Variants in TRIM67 observed in about 807,000 individuals in gnomAD.
The protein encoded by TRIM67 is tripartite motif-containing protein 67.
Under a neutral mutation model 71.0 loss-of-function variants are expected in TRIM67, and 39 were observed. That is an observed-to-expected ratio of 0.55 (90% CI 0.43 to 0.72). TRIM67 has a LOEUF of 0.72. TRIM67 is among the 30% of genes least tolerant of loss of function. TRIM67 has a pLI of 0.00. For synonymous variants in TRIM67, 481 were observed against 473.9 expected, an observed-to-expected ratio of 1.01 and a Z score of -0.19; for missense variants, 973 against 1,079.2, an observed-to-expected ratio of 0.90 and a Z score of 1.38.
Position 231,162,713 on chromosome 1 carries a change from G to T in TRIM67, c.-257G>T, listed in dbSNP as rs573694236. 2.1e-6 allele frequency: 1 copy of T among 486,692 alleles called. No homozygotes were observed. Among genetic ancestry groups the T allele is most frequent in the Non-Finnish European group, 3.6e-6 (1 of 278,604 alleles). 30.1% of individuals were successfully genotyped at this position (486,692 alleles called of 1,614,324 possible). On this transcript the variant is annotated 5_prime_UTR_variant, in exon 1 of 10. Coordinates refer to ENST00000366653, the MANE Select transcript of TRIM67 (RefSeq NM_001004342.5). ...AGCCGACCGGCTCCGGAATCTGGCC[G>T]CAGGTTGAAGCCGCTGGTGCGGGAC...
chr1:231,204,085 A>G, intron 6 of TRIM67, 73 bp downstream of exon 6: 1 of 1,587,058 alleles, frequency 6.3e-7, no homozygotes, highest in Non-Finnish European at 8.6e-7. Context: ...CCACTGCCCC[A>G]GACTCTGGTT....
In TRIM67 at chr1:231,163,887, T is replaced by C; in HGVS notation, c.918T>C (p.His306=). ...TARKFPTCPE[H]EMENYSMYCV... is the part of the protein sequence containing the mutation. ...GCAAGTTCCCCACGTGTCCCGAGCA[T>C]GAAATGGAGAACTACAGCATGTACT... The change falls in exon 1 of 10, where the codon CAT becomes CAC. Residue 306 remains histidine (H), a synonymous_variant. Transcript: ENST00000366653. The C allele has an allele frequency of 6.3e-7, 1 of 1,582,038 alleles. No homozygotes were observed. Among genetic ancestry groups the C allele is most frequent in the Non-Finnish European group, 8.6e-7 (1 of 1,164,810 alleles).
chr1:231,186,202 G>A (rs72750750), intron 1 of TRIM67: 37,581 of 1,513,620 alleles, frequency 0.025, 602 homozygotes, highest in Non-Finnish European at 0.029. Context: ...TGGAACTCTT[G>A]AGCCCAAAGG....
In TRIM67 at chr1:231,215,840, G is replaced by C. The variant is rs1684001726; in HGVS notation, c.*400G>C. 9.9e-7 allele frequency: 1 copy of C among 1,011,282 alleles called. No individual in the cohort carries two copies. The highest frequency in any genetic ancestry group is 1.2e-6 in the Non-Finnish European group (1 of 847,528). The allele number at this position is 1,011,282 out of a possible 1,614,324, so 62.6% of individuals were successfully genotyped here. A position where few individuals can be genotyped will look rare whatever the true frequency, so the allele number is the denominator to read the frequency against. On this transcript the variant is annotated 3_prime_UTR_variant, in exon 10 of 10. Transcript: ENST00000366653. ...GGCCTCCTGAGAGCGGCAGTCAGGA[G>C]CTGCGCTGTAATCCCACGCCCCGGG... is the stretch of plus-strand genomic sequence containing the variant.
intron 1 of TRIM67, among the ~76,000 whole-genome samples, chr1:231,190,913 C>A (rs1683214475): frequency 6.6e-6 from 1 of 152,216 alleles, no homozygotes; most frequent in Non-Finnish European, 1.5e-5. Context: ...TCTCTCATCC[C>A]TGTGAGTCAC....
chr1:231,201,317 CT>C (rs1202879116), intron 4 of TRIM67, 40 bp from the exon 5 acceptor site: 2 of 1,581,390 alleles, frequency 1.3e-6, no homozygotes, highest in South Asian at 2.3e-5. Context: ...ACAATTTTTC[CT>C]TTGCAAAGCA....
chr1:231,163,137 G>C lies in TRIM67; in HGVS notation c.168G>C (p.Gly56=). ...CGCTCCTGCTTTCCCGGGGATCGGG[G>C]CTGCAGGCGGGCGCCGCCGCCGCTG... The part of the protein sequence containing the change: ...PQPLLLSRGS[G]LQAGAAAAAS... Residue 56 remains glycine, a synonymous_variant, in exon 1 of 10, where the codon GGG becomes GGC. Coordinates refer to ENST00000366653, the MANE Select transcript of TRIM67 (RefSeq NM_001004342.5). 1 of 1,541,130 alleles carries C rather than the reference G, an allele frequency of 6.5e-7. No homozygotes were observed. Among genetic ancestry groups the C allele is most frequent in the Non-Finnish European group, 8.7e-7 (1 of 1,144,456 alleles).
rs759592710 is a variant in TRIM67 at position 231,201,518 on chromosome 1, G to A, written c.1534+1G>A. On this transcript the variant is annotated splice_donor_variant, in intron 5 of 9. Coordinates refer to ENST00000366653, the MANE Select transcript of TRIM67 (RefSeq NM_001004342.5). LOFTEE classifies it high-confidence loss of function. Reference sequence around the variant, plus strand: ...GACTTCATTCAGATGAAATGTAGGGGTGAGCCGCGGTTGGCCCCAGTTCAG... The same window carrying A: ...GACTTCATTCAGATGAAATGTAGGGATGAGCCGCGGTTGGCCCCAGTTCAG... The A allele has an allele frequency of 6.2e-7, 1 of 1,613,196 alleles. No individual in the cohort carries two copies. Among genetic ancestry groups the A allele is most frequent in the Non-Finnish European group, 8.5e-7 (1 of 1,179,672 alleles).
intron 6 of TRIM67, among the ~76,000 whole-genome samples, chr1:231,205,741 A>T (rs1409149502): frequency 6.7e-6 from 1 of 149,216 alleles, no homozygotes; most frequent in South Asian, 2.1e-4. Context: ...AAAAAAAAAA[A>T]GGAAAGAAAG....
chr1:231,196,891 C>T (rs1232505393), intron 1 of TRIM67, among the ~76,000 whole-genome samples: 6 of 152,246 alleles, frequency 3.9e-5, no homozygotes, highest in Admixed American at 3.3e-4. Flanking sequence ...CCCACAGCCC[C>T]CTTCCTGTCC....
intron 2 of TRIM67, among the ~76,000 whole-genome samples, chr1:231,197,880 GAGA>G (rs748893594): frequency 2.7e-4 from 41 of 151,010 alleles, no homozygotes; most frequent in Non-Finnish European, 4.6e-4. Context: ...GGAGAAGAAG[GAGA>G]AGAAGAAAGG....
rs1684040149 is a variant in TRIM67 at position 231,217,351 on chromosome 1, C to A, written c.*1911C>A. Reference sequence around the variant, plus strand: ...AAGCGGTTTCTGGGTCTCCTCCTCCCATCCCAGAGCCCTGTCCAGAGCTCT... The same window carrying A: ...AAGCGGTTTCTGGGTCTCCTCCTCCAATCCCAGAGCCCTGTCCAGAGCTCT... On this transcript the variant is annotated 3_prime_UTR_variant, in exon 10 of 10. Coordinates refer to ENST00000366653, the MANE Select transcript of TRIM67 (RefSeq NM_001004342.5). The A allele has an allele frequency of 1.0e-6, 1 of 985,924 alleles. No homozygotes were observed. The highest frequency in any genetic ancestry group is 6.1e-5 in the Admixed American group (1 of 16,284). 61.1% of individuals were successfully genotyped at this position (985,924 alleles called of 1,614,324 possible). A position where few individuals can be genotyped will look rare whatever the true frequency, so the allele number is the denominator to read the frequency against.
intron 3 of TRIM67, 143 bp downstream of exon 3, chr1:231,199,312 A>T: frequency 1.2e-6 from 1 of 829,516 alleles, no homozygotes; most frequent in Non-Finnish European, 2.0e-6. Context: ...CAAGGAAGGG[A>T]TGCACCAGCT....
intron 1 of TRIM67, among the ~76,000 whole-genome samples, chr1:231,185,409 G>A (rs747890373): frequency 1.6e-4 from 24 of 151,852 alleles, no homozygotes; most frequent in Non-Finnish European, 3.1e-4. Flanking sequence ...GAACCCAGGA[G>A]CTCCCACCAC....
Position 231,216,603 on chromosome 1 carries a change from G to A in TRIM67, c.*1163G>A, listed in dbSNP as rs1431806406. 9.1e-6 allele frequency: 9 copies of A among 985,434 alleles called. No homozygotes were observed. Among genetic ancestry groups the A allele is most frequent in the Admixed American group, 6.1e-5 (1 of 16,274 alleles). 61.0% of individuals were successfully genotyped at this position (985,434 alleles called of 1,614,324 possible). A position where few individuals can be genotyped will look rare whatever the true frequency, so the allele number is the denominator to read the frequency against. On this transcript the variant is annotated 3_prime_UTR_variant, in exon 10 of 10. Coordinates refer to ENST00000366653, the MANE Select transcript of TRIM67 (RefSeq NM_001004342.5). ...AGTGGCCCCTGTGGCAGGCCGGGAC[G>A]GCTCTGCCCTGATGCAGTGGGCGGG...
chr1:231,172,646 C>G (rs1404263803), intron 1 of TRIM67, among the ~76,000 whole-genome samples: 2 of 152,056 alleles, frequency 1.3e-5, no homozygotes, highest in African/African-American at 4.8e-5. Flanking sequence ...AGAGGCTGGG[C>G]CTTAGTCACA....
chr1:231,163,746 G>T lies in TRIM67; in HGVS notation c.777G>T (p.Pro259=), dbSNP rs1440968656. ...TGCAGCCGCCGCCGCCGCCGCCGCC[G>T]CCCGCCGAGGCAGCCTCCGGGCCCA... is the stretch of plus-strand genomic sequence containing the variant. The part of the protein sequence containing the change: ...RLVQPPPPPP[P]PAEAASGPTG... The change falls in exon 1 of 10, where the codon CCG becomes CCT. Residue 259 remains proline, a synonymous_variant. Coordinates refer to ENST00000366653, the MANE Select transcript of TRIM67 (RefSeq NM_001004342.5). 1.3e-6 allele frequency: 2 copies of T among 1,491,178 alleles called. No homozygotes were observed. Among genetic ancestry groups the T allele is most frequent in the African/African-American group, 2.9e-5 (2 of 68,276 alleles). The allele number at this position is 1,491,178 out of a possible 1,614,324, so 92.4% of individuals were successfully genotyped here. A position where few individuals can be genotyped will look rare whatever the true frequency, so the allele number is the denominator to read the frequency against.
chr1:231,177,778 A>ATG lies in TRIM67; in HGVS notation c.1044+13765_1044+13766insTG, dbSNP rs1682794041. On this transcript the variant is annotated intron_variant, in intron 1 of 9. Coordinates refer to ENST00000366653, the MANE Select transcript of TRIM67 (RefSeq NM_001004342.5). ...AGCTTTATACATCATATGCATAAAT[A>ATG]ACACTATATTTTGAACACTTTGAGA... Among the ~76,000 whole-genome samples the ATG allele has an allele frequency of 5.9e-5, 9 of 152,354 alleles. No homozygotes were observed. The South Asian group carries it at 1.9e-3, about 32-fold the overall frequency.
intron 1 of TRIM67, 47 bp downstream of exon 1, chr1:231,164,060 G>C (rs777082906): frequency 9.9e-5 from 141 of 1,430,564 alleles, no homozygotes; most frequent in Non-Finnish European, 1.3e-4. Context: ...AAGAGGGTAC[G>C]AGGAGAAAGG....
Sources: allele counts gnomAD v4.1 joint callset (sites outside exome capture counted in the v4.1 genomes callset), GRCh38; gene constraint gnomAD v4.1.1; transcripts MANE v1.5; gene names NCBI Gene and HGNC (gene_info 2026-07-23, HGNC 2026-07-21).